Variants in TSPAN11 observed in about 807,000 individuals in gnomAD.
The protein encoded by TSPAN11 is tetraspanin-11.
A neutral mutation model predicts 32.9 loss-of-function variants in TSPAN11; 29 were observed. That is an observed-to-expected ratio of 0.88 (90% CI 0.66 to 1.20). TSPAN11 has a LOEUF of 1.20. Ranked by LOEUF, TSPAN11 falls within the 50% of genes most tolerant of loss-of-function variation. TSPAN11 has a pLI of 0.00. For missense variants in TSPAN11, 283 were observed against 329.1 expected (o/e 0.86, Z 1.08); for synonymous variants, 140 against 141.3 (o/e 0.99, Z 0.07).
In TSPAN11 at chr12:30,963,897, GGCCTCCAGCACCTTTGCC is replaced by G. The variant is rs1938669537; in HGVS notation, c.163_180del (p.Ser55_Ser60del). 1.9e-6 allele frequency: 3 copies of G among 1,613,572 alleles called. No individual in the cohort carries two copies. Among genetic ancestry groups the G allele is most frequent in the Non-Finnish European group, 2.5e-6 (3 of 1,180,028 alleles). ...AGAAGAGTGGCTACCTCAGCGTCCT[GGCCTCCAGCACCTTTGCC>G]GCCTCCGCCTACATCCTCATCTTTG... On this transcript the variant is annotated inframe_deletion, in exon 3 of 8. Coordinates refer to ENST00000546076, the MANE Select transcript of TSPAN11 (RefSeq NM_001370302.1).
At chr12:30,978,032 T>A (rs1420648789) in intron 3 of TSPAN11, among the ~76,000 whole-genome samples, 2 of 152,172 alleles carry the variant, frequency 1.3e-5, no homozygotes, top group Non-Finnish European at 2.9e-5. Context: ...GCCCCATGCT[T>A]CCTGCAGGCT....
At chr12:30,970,890 T>C (rs1197166844) in intron 3 of TSPAN11, among the ~76,000 whole-genome samples, 1 of 152,168 alleles carries the variant, frequency 6.6e-6, no homozygotes, top group Non-Finnish European at 1.5e-5. Context: ...CCCACTGCAG[T>C]TAATGGTTAA....
At chr12:31,000,655 A>T (rs1458514897), downstream of TSPAN11, among the ~76,000 whole-genome samples, 1 of 152,216 alleles carries the variant, frequency 6.6e-6, no homozygotes, top group Non-Finnish European at 1.5e-5. Context: ...TCCGCACCAC[A>T]GTTCATGTCT....
chr12:30,932,561 G>T (rs112380980), intron 1 of TSPAN11, among the ~76,000 whole-genome samples: 2,310 of 152,248 alleles, frequency 0.015, 64 homozygotes, highest in African/African-American at 0.053. Flanking sequence ...TCCTTCTCTC[G>T]AGAGTTGATA....
chr12:31,014,931 A>T, the TSPAN11 span, among the ~76,000 whole-genome samples: 1 of 152,218 alleles, frequency 6.6e-6, no homozygotes. Flanking sequence ...GACAATAAAT[A>T]GTTGATAAAT....
chr12:30,926,990 C>T (rs1174181371), intron 1 of TSPAN11, 194 bp downstream of exon 1: 3 of 1,282,560 alleles, frequency 2.3e-6, no homozygotes, highest in Non-Finnish European at 2.0e-6. Context: ...GGGACACTCG[C>T]GGGGCATGTG....
chr12:30,951,725 G>A (rs2140282917), intron 1 of TSPAN11, among the ~76,000 whole-genome samples: 1 of 152,276 alleles, frequency 6.6e-6, no homozygotes, highest in Non-Finnish European at 1.5e-5. Context: ...CCAGTAAAAT[G>A]GCAAAGCTAG....
At chr12:31,014,394 C>T in the TSPAN11 span, among the ~76,000 whole-genome samples, 1 of 152,200 alleles carries the variant, frequency 6.6e-6, no homozygotes, top group African/African-American at 2.4e-5. Context: ...TTCCATTTAA[C>T]TCTTAATCAC....
intron 6 of TSPAN11, 105 bp downstream of exon 6, chr12:30,982,795 C>G: frequency 6.9e-7 from 1 of 1,439,862 alleles, no homozygotes; most frequent in Non-Finnish European, 9.3e-7. Context: ...AAAAGCAGGA[C>G]ACATGTGCTC....
intron 3 of TSPAN11, among the ~76,000 whole-genome samples, chr12:30,965,884 GTT>G (rs1430105244): frequency 6.6e-6 from 1 of 152,124 alleles, no homozygotes; most frequent in Non-Finnish European, 1.5e-5. Flanking sequence ...GGACAAGAGA[GTT>G]TACCAGACTC....
intron 1 of TSPAN11, among the ~76,000 whole-genome samples, chr12:30,946,434 A>G (rs1048579267): frequency 6.6e-6 from 1 of 152,218 alleles, no homozygotes; most frequent in Admixed American, 6.5e-5. Context: ...CTTACCAAGC[A>G]CAGGCAGCAA....
chr12:30,929,725 G>A (rs1049928744), intron 1 of TSPAN11, among the ~76,000 whole-genome samples: 1 of 152,174 alleles, frequency 6.6e-6, no homozygotes, highest in African/African-American at 2.4e-5. Flanking sequence ...CGACAGCCAC[G>A]TGATGAAACC....
intron 1 of TSPAN11, among the ~76,000 whole-genome samples, chr12:30,943,260 T>G (rs1465868729): frequency 2.0e-5 from 3 of 152,056 alleles, no homozygotes; most frequent in African/African-American, 4.8e-5. Flanking sequence ...AAACCCAAAC[T>G]AGATCTGCAC....
chr12:30,991,245 A>C (rs911806358), intron 7 of TSPAN11, among the ~76,000 whole-genome samples: 1 of 152,150 alleles, frequency 6.6e-6, no homozygotes, highest in Non-Finnish European at 1.5e-5. Flanking sequence ...CTCTTATTCT[A>C]TGCTGACTGA....
intron 7 of TSPAN11, among the ~76,000 whole-genome samples, chr12:30,991,038 G>T (rs1431239904): frequency 6.6e-6 from 1 of 152,206 alleles, no homozygotes; most frequent in Admixed American, 6.5e-5. Context: ...GGAGAATAAA[G>T]CTCCTCTGCA....
intron 2 of TSPAN11, among the ~76,000 whole-genome samples, chr12:30,962,036 C>T (rs77427612): frequency 0.013 from 2,011 of 152,164 alleles, 41 homozygotes; most frequent in East Asian, 0.079. Flanking sequence ...AGTGGTAAGA[C>T]ACACTATTGT....
Position 30,975,246 on chromosome 12 carries a change from C to T in TSPAN11, c.277-3315C>T, listed in dbSNP as rs943813190. 6.6e-6 allele frequency among the ~76,000 whole-genome samples: 1 copy of T among 152,136 alleles called. No individual in the cohort carries two copies. Among genetic ancestry groups the T allele is most frequent in the Non-Finnish European group, 1.5e-5 (1 of 68,024 alleles). On this transcript the variant is annotated intron_variant, in intron 3 of 7. Transcript: ENST00000546076. The surrounding 1 kb of genome is among the most constrained non-coding windows in gnomAD (Gnocchi z 4.5). ...GTGACAGGTCTGTCAGAGCCCATGA[C>T]CTCACCCGGCTGAAGTCCCAGCATC...
chr12:30,953,995 G>GC lies in TSPAN11; in HGVS notation c.7dup (p.His3ProfsTer3). ...CTTCTCTGCAGGCCCAGAAGCCATG[G>GC]CCCACTATAAGACTGAGCAGGACGA... is the stretch of plus-strand genomic sequence containing the variant. On this transcript the variant is annotated frameshift_variant, in exon 2 of 8. Transcript: ENST00000546076. LOFTEE classifies it high-confidence loss of function. 6.2e-7 allele frequency: 1 copy of GC among 1,613,202 alleles called. No individual in the cohort carries two copies. The highest frequency in any genetic ancestry group is 8.5e-7 in the Non-Finnish European group (1 of 1,179,738).
At chr12:30,953,941 T>C (rs372210624) in intron 1 of TSPAN11, 40 bp from the exon 2 acceptor site, 41 of 1,491,702 alleles carry the variant, frequency 2.7e-5, no homozygotes, top group Non-Finnish European at 3.4e-5. Flanking sequence ...AAGGTGGTTC[T>C]CGGTGATTCC....
Sources: gnomAD v4.1 joint callset for allele counts (sites outside exome capture counted in the v4.1 genomes callset) on GRCh38, gnomAD v4.1.1 for gene constraint, Gnocchi (gnomAD v3.1) non-coding constraint, MANE v1.5 for transcripts, NCBI Gene and HGNC (gene_info 2026-07-23, HGNC 2026-07-21) for gene names.